Variants in ATP13A4 observed in about 807,000 individuals in gnomAD.
ATP13A4 encodes ATPase 13A4, also known as probable cation-transporting ATPase 13A4.
ATP13A4 carries 114 observed loss-of-function variants against 142.5 expected under a neutral mutation model. That is an observed-to-expected ratio of 0.80 (90% CI 0.69 to 0.93). The LOEUF (loss-of-function observed/expected upper bound fraction) is 0.93. Among genes scored for constraint, ATP13A4 ranks in the 40% least tolerant of loss-of-function variants. ATP13A4 has a pLI of 0.00. For missense variants in ATP13A4, 1,392 were observed against 1,454.0 expected, an observed-to-expected ratio of 0.96 and a Z score of 0.69; for synonymous variants, 488 against 514.8, an observed-to-expected ratio of 0.95 and a Z score of 0.70.
At chr3:193,432,164 A>T (rs1716019920) in intron 25 of ATP13A4, among the ~76,000 whole-genome samples, 1 of 152,096 alleles carries the variant, frequency 6.6e-6, no homozygotes. Flanking sequence ...TAGACGAATA[A>T]AATCCTTGAG....
At chr3:193,439,230 T>C in intron 21 of ATP13A4, 165 bp from the exon 22 acceptor site, 1 of 702,792 alleles carries the variant, frequency 1.4e-6, no homozygotes. Flanking sequence ...CAGCAGTTAA[T>C]ACAATGGATT....
intron 1 of ATP13A4, among the ~76,000 whole-genome samples, chr3:193,543,085 G>A (rs1032353171): frequency 1.3e-5 from 2 of 150,944 alleles, no homozygotes; most frequent in African/African-American, 2.4e-5. Context: ...GGAGAATGGC[G>A]TGAACCCAGG....
At chr3:193,551,216 A>G (rs2108728473) in intron 1 of ATP13A4, among the ~76,000 whole-genome samples, 1 of 152,322 alleles carries the variant, frequency 6.6e-6, no homozygotes, top group South Asian at 2.1e-4. Context: ...GATTAAGACC[A>G]TCCTGGCCAA....
At chr3:193,432,408 G>T (rs1422952600) in intron 25 of ATP13A4, among the ~76,000 whole-genome samples, 8 of 152,024 alleles carry the variant, frequency 5.3e-5, no homozygotes, top group African/African-American at 1.4e-4. Flanking sequence ...CAGTGAAAAT[G>T]AAAACTTATT....
chr3:193,439,190 G>T, intron 21 of ATP13A4, 125 bp from the exon 22 acceptor site: 1 of 1,033,154 alleles, frequency 9.7e-7, no homozygotes, highest in Non-Finnish European at 1.5e-6. Context: ...ATTTTCCTAA[G>T]AGTCTAGTTT....
At chr3:193,468,973 C>A (rs148698648) in intron 9 of ATP13A4, among the ~76,000 whole-genome samples, 4 of 152,176 alleles carry the variant, frequency 2.6e-5, no homozygotes, top group South Asian at 4.1e-4. Context: ...TGTTGAGAAG[C>A]CTTGTAGGCA....
chr3:193,405,084 A>T (rs1187507370), intron 29 of ATP13A4, among the ~76,000 whole-genome samples: 1 of 152,188 alleles, frequency 6.6e-6, no homozygotes, highest in Non-Finnish European at 1.5e-5. Context: ...CAGAGATTAG[A>T]TAAGTGGAAT....
chr3:193,406,414 C>T (rs1008497606), intron 29 of ATP13A4, among the ~76,000 whole-genome samples: 1 of 152,134 alleles, frequency 6.6e-6, no homozygotes, highest in Non-Finnish European at 1.5e-5. Context: ...GTTCTGTATC[C>T]CAGAGCAGAA....
intron 2 of ATP13A4, among the ~76,000 whole-genome samples, chr3:193,578,333 A>ATATCTG (rs1348817151): frequency 4.4e-4 from 64 of 146,556 alleles, no homozygotes; most frequent in Non-Finnish European, 3.0e-4. Flanking sequence ...ATCTATATCT[A>ATATCTG]TATCTATATC....
At chr3:193,539,207 A>T (rs1221312390) in intron 1 of ATP13A4, among the ~76,000 whole-genome samples, 1 of 152,132 alleles carries the variant, frequency 6.6e-6, no homozygotes, top group African/African-American at 2.4e-5. Flanking sequence ...GTTTACAAAA[A>T]CAGTCAGTGG....
At chr3:193,470,834 G>A (rs755419129) in intron 9 of ATP13A4, 25 bp downstream of exon 9, 1 of 1,613,750 alleles carries the variant, frequency 6.2e-7, no homozygotes, top group East Asian at 2.2e-5. Context: ...CACAGAGGTT[G>A]TCAGCTGTGG....
chr3:193,438,659 A>G, intron 22 of ATP13A4, 75 bp from the exon 23 acceptor site: 1 of 1,291,086 alleles, frequency 7.7e-7, no homozygotes, highest in East Asian at 2.3e-5. Flanking sequence ...AGAAAAGGCC[A>G]GTTAAGCTGG....
chr3:193,412,080 A>G (rs1335263205), intron 27 of ATP13A4, 98 bp downstream of exon 27: 19 of 1,079,416 alleles, frequency 1.8e-5, no homozygotes, highest in Non-Finnish European at 2.4e-5. Flanking sequence ...GAGATGCTAG[A>G]TAAGAATCAA....
chr3:193,402,591 A>G lies in ATP13A4; in HGVS notation c.*61T>C, dbSNP rs558936298. 4 of 784,576 alleles carry G rather than the reference A, an allele frequency of 5.1e-6. No individual in the cohort carries two copies. In the East Asian group the frequency reaches 7.3e-5, roughly 14 times the overall value. The allele number at this position is 784,576 out of a possible 1,614,324, so 48.6% of individuals were successfully genotyped here. On this transcript the variant is annotated 3_prime_UTR_variant, in exon 30 of 30. Transcript: ENST00000342695. ...ACAAGAGTCTCATTTCTTAAAATCA[A>G]TGAAACTGGTCCCTTTTGTCATTGT...
intron 25 of ATP13A4, among the ~76,000 whole-genome samples, chr3:193,425,686 A>G (rs1380783056): frequency 2.6e-5 from 4 of 151,756 alleles, no homozygotes; most frequent in African/African-American, 9.7e-5. Flanking sequence ...AGAGTAGAAT[A>G]GTGGTTTCTT....
At position 193,440,596 on chromosome 3, in the gene ATP13A4, C is replaced by G; in HGVS notation, c.2481G>C (p.Gly827=). The change falls in exon 21 of 30, where the codon GGG becomes GGC. Residue 827 remains glycine (G), a synonymous_variant. Coordinates refer to ENST00000342695, the MANE Select transcript of ATP13A4 (RefSeq NM_032279.4). Reference sequence around the variant, plus strand: ...ATTCTTCCACCAGACTGGACTTCTGCCCAGGAGACATTCTTGCAAAGATGG... The same window carrying G: ...ATTCTTCCACCAGACTGGACTTCTGGCCAGGAGACATTCTTGCAAAGATGG... ...NGTIFARMSP[G]QKSSLVEEFQ... The G allele has an allele frequency of 6.2e-7, 1 of 1,614,034 alleles. No individual in the cohort carries two copies. The highest frequency in any genetic ancestry group is 1.7e-5 in the Admixed American group (1 of 60,024).
At chr3:193,447,703 G>T (rs1717034910) in intron 18 of ATP13A4, among the ~76,000 whole-genome samples, 1 of 152,148 alleles carries the variant, frequency 6.6e-6, no homozygotes, top group Non-Finnish European at 1.5e-5. Flanking sequence ...TCTCTTGTTT[G>T]TATGATTTGG....
intron 25 of ATP13A4, among the ~76,000 whole-genome samples, chr3:193,415,947 C>T (rs1433338441): frequency 8.5e-5 from 13 of 152,290 alleles, no homozygotes; most frequent in Admixed American, 6.5e-4. Flanking sequence ...CCAGAGAAAA[C>T]CCAAAGCCTT....
At chr3:193,433,716 T>A (rs1716102605) in intron 25 of ATP13A4, 129 bp downstream of exon 25, 1 of 721,884 alleles carries the variant, frequency 1.4e-6, no homozygotes. Context: ...TGTGTATATA[T>A]TTGGGAATAA....
Sources: allele counts gnomAD v4.1 joint callset (sites outside exome capture counted in the v4.1 genomes callset), GRCh38; gene constraint gnomAD v4.1.1; transcripts MANE v1.5; gene names NCBI Gene and HGNC (gene_info 2026-07-23, HGNC 2026-07-21).